The following SLC22A23 variants were observed in gnomAD, a reference collection of about 807,000 sequenced individuals.
SLC22A23 encodes solute carrier family 22 member 23.
SLC22A23 carries 26 observed loss-of-function variants against 61.0 expected under a neutral mutation model. The ratio of observed to expected loss-of-function variants is 0.43; its 90% CI spans 0.31 to 0.59. SLC22A23 has a LOEUF of 0.59. SLC22A23 is among the 20% of genes least tolerant of loss of function. The pLI is 0.11. For missense variants in SLC22A23, 796 were observed against 934.7 expected, an observed-to-expected ratio of 0.85 and a Z score of 1.94; for synonymous variants, 430 against 413.9, an observed-to-expected ratio of 1.04 and a Z score of -0.47.
Position 3,299,998 on chromosome 6 carries a change from CTTTTTTTTTTTTT to C in SLC22A23, c.1083-1793_1083-1781del, listed in dbSNP as rs869114176. On this transcript the variant is annotated intron_variant, in intron 4 of 9. Transcript: ENST00000406686. ...ACCTGCTTTGCAAGCTCAGGATAGA[CTTTTTTTTTTTTT>C]TTTTTTTTTTTTTTTTTGAGATGGA... Among the ~76,000 whole-genome samples the C allele has an allele frequency of 1.3e-3, 103 of 78,802 alleles. 1 individual carries two copies. The highest frequency in any genetic ancestry group is 3.8e-3 in the African/African-American group (86 of 22,588). The allele number at this position is 78,802 out of a possible 152,430, so 51.7% of individuals were successfully genotyped here.
At chr6:3,279,740 G>A (rs550676284) in intron 9 of SLC22A23, among the ~76,000 whole-genome samples, 16 of 152,138 alleles carry the variant, frequency 1.1e-4, no homozygotes, top group Non-Finnish European at 1.5e-4. Flanking sequence ...TCACTAGAGG[G>A]CAGCATACGC....
intron 4 of SLC22A23, chr6:3,303,086 A>T (rs1761731524): frequency 6.6e-6 from 1 of 152,228 alleles, no homozygotes; most frequent in Non-Finnish European, 1.5e-5. Flanking sequence ...ACAAATGGCC[A>T]ACAAACATAT....
rs911286999 is a variant in SLC22A23 at position 3,322,598 on chromosome 6, C to G, written c.1082+1236G>C. The stretch of plus-strand genomic sequence containing the variant: ...TCTCTGGCAGGTGGCCTTTTCCCAT[C>G]TGCTATTGCTGGCCCCCTGCTGCTG... On this transcript the variant is annotated intron_variant, in intron 4 of 9. Transcript: ENST00000406686. This position sits in a 1 kb window ranked among gnomAD's most constrained non-coding sequence, Gnocchi z 4.1. 6.6e-6 allele frequency among the ~76,000 whole-genome samples: 1 copy of G among 152,172 alleles called. No homozygotes were observed. Among genetic ancestry groups the G allele is most frequent in the African/African-American group, 2.4e-5 (1 of 41,426 alleles).
In SLC22A23 at chr6:3,304,820, T is replaced by C. The variant is rs1761859667; in HGVS notation, c.1083-6602A>G. Among the ~76,000 whole-genome samples the C allele has an allele frequency of 6.6e-6, 1 of 151,888 alleles. No homozygotes were observed. Among genetic ancestry groups the C allele is most frequent in the Non-Finnish European group, 1.5e-5 (1 of 67,960 alleles). On this transcript the variant is annotated intron_variant, in intron 4 of 9. Transcript: ENST00000406686. The surrounding 1 kb of genome is among the most constrained non-coding windows in gnomAD (Gnocchi z 4.3). ...AGGCATGGGGTTGTGGGACGGTGCATTTGTTGTGTTCAGAGAGCTGCAAGC... is the reference window on the plus strand; with the variant it reads ...AGGCATGGGGTTGTGGGACGGTGCACTTGTTGTGTTCAGAGAGCTGCAAGC...
intron 9 of SLC22A23, among the ~76,000 whole-genome samples, chr6:3,277,821 G>A (rs1401869232): frequency 2.0e-5 from 3 of 152,190 alleles, no homozygotes; most frequent in African/African-American, 7.2e-5. Flanking sequence ...TACAAATAAC[G>A]TACTTTTTAG....
chr6:3,333,700 G>GGA lies in SLC22A23; in HGVS notation c.914-9700_914-9699dup, dbSNP rs1763701451. 6.6e-6 allele frequency among the ~76,000 whole-genome samples: 1 copy of GGA among 152,198 alleles called. No homozygotes were observed. The highest frequency in any genetic ancestry group is 2.4e-5 in the African/African-American group (1 of 41,446). On this transcript the variant is annotated intron_variant, in intron 3 of 9. Coordinates refer to ENST00000406686, the MANE Select transcript of SLC22A23 (RefSeq NM_015482.2). The surrounding 1 kb of genome is among the most constrained non-coding windows in gnomAD (Gnocchi z 4.1). Reference sequence around the variant, plus strand: ...CTTCCCCATGTTGCGACCACACAGAGGAGAGTGCCTCCCCGACAGTGGTTT... The same window carrying GGA: ...CTTCCCCATGTTGCGACCACACAGAGGAGAGAGTGCCTCCCCGACAGTGGTTT...
At chr6:3,428,670 ACG>A (rs1770662028) in intron 1 of SLC22A23, among the ~76,000 whole-genome samples, 1 of 152,196 alleles carries the variant, frequency 6.6e-6, no homozygotes, top group African/African-American at 2.4e-5. Context: ...GCAAAAGACA[ACG>A]TAAAAATATA....
At chr6:3,428,278 A>G (rs945048258) in intron 1 of SLC22A23, among the ~76,000 whole-genome samples, 11 of 152,190 alleles carry the variant, frequency 7.2e-5, no homozygotes, top group African/African-American at 2.7e-4. Context: ...CTCACCCTCC[A>G]GGCTGCTCAG....
chr6:3,269,146 G>GA lies in SLC22A23; in HGVS notation c.*3908dup, dbSNP rs1224922760. 2.9e-5 allele frequency: 4 copies of GA among 136,926 alleles called. No homozygotes were observed. Among genetic ancestry groups the GA allele is most frequent in the African/African-American group, 1.1e-4 (4 of 35,712 alleles). 8.5% of individuals were successfully genotyped at this position (136,926 alleles called of 1,614,324 possible). ...ATCAGCAGAACATACACGAACAAGG[G>GA]AAAAAAATTCCTCTTAATTTTACTG... On this transcript the variant is annotated 3_prime_UTR_variant, in exon 10 of 10. Coordinates refer to ENST00000406686, the MANE Select transcript of SLC22A23 (RefSeq NM_015482.2).
Position 3,456,160 on chromosome 6 carries a change from C to A in SLC22A23, c.400G>T (p.Gly134Cys). The stretch of plus-strand genomic sequence containing the variant: ...GTGGTGACCCCTGCCAGCTCGGTGC[C>A]TTTGCCGGCCCCGCGGCACCAGAAG... ...PNFWCRGAGK[G>C]TELAGVTTTG... The change falls in exon 1 of 10, where the codon GGC (glycine) becomes TGC (cysteine). Residue 134 changes from glycine (G) to cysteine (C), a missense_variant. Transcript: ENST00000406686. This position sits in a 1 kb window ranked among gnomAD's most constrained non-coding sequence, Gnocchi z 7.1. 1.3e-6 allele frequency: 2 copies of A among 1,551,232 alleles called. No individual in the cohort carries two copies. The highest frequency in any genetic ancestry group is 1.7e-6 in the Non-Finnish European group (2 of 1,146,852).
chr6:3,447,738 G>A (rs1166396548), intron 1 of SLC22A23, among the ~76,000 whole-genome samples: 11 of 149,384 alleles, frequency 7.4e-5, no homozygotes, highest in Admixed American at 2.0e-4. Flanking sequence ...ACAGGTGCCC[G>A]CCACCACACC....
chr6:3,324,314 C>T lies in SLC22A23; in HGVS notation c.914-312G>A. 2 of 325,528 alleles carry T rather than the reference C, an allele frequency of 6.1e-6. No homozygotes were observed. Among genetic ancestry groups the T allele is most frequent in the Non-Finnish European group, 1.2e-5 (2 of 173,348 alleles). 20.2% of individuals were successfully genotyped at this position (325,528 alleles called of 1,614,324 possible). On this transcript the variant is annotated intron_variant, in intron 3 of 9. Coordinates refer to ENST00000406686, the MANE Select transcript of SLC22A23 (RefSeq NM_015482.2). This position sits in a 1 kb window ranked among gnomAD's most constrained non-coding sequence, Gnocchi z 4.3. ...CTATGGGACAGATCGCCCATTGTTC[C>T]TGCTTCCTCTGCTCTCCAGACGTCA...
At position 3,286,099 on chromosome 6, in the gene SLC22A23, G is replaced by T. The variant is rs1006562217; in HGVS notation, c.1546+760C>A. 1.3e-5 allele frequency among the ~76,000 whole-genome samples: 1 copy of T among 78,562 alleles called. No individual in the cohort carries two copies. The highest frequency in any genetic ancestry group is 1.8e-4 in the Admixed American group (1 of 5,612). The allele number at this position is 78,562 out of a possible 152,430, so 51.5% of individuals were successfully genotyped here. A position where few individuals can be genotyped will look rare whatever the true frequency, so the allele number is the denominator to read the frequency against. On this transcript the variant is annotated intron_variant, in intron 7 of 9. Transcript: ENST00000406686. This position sits in a 1 kb window ranked among gnomAD's most constrained non-coding sequence, Gnocchi z 4.2. Reference sequence around the variant, plus strand: ...AGATGGACTCTCTAGCTTTGCCTTAGATTTTTTTTTTTTTTTTGAGATGGA... The same window carrying T: ...AGATGGACTCTCTAGCTTTGCCTTATATTTTTTTTTTTTTTTTGAGATGGA...
intron 5 of SLC22A23, among the ~76,000 whole-genome samples, chr6:3,294,906 T>G (rs1760936654): frequency 6.6e-6 from 1 of 152,222 alleles, no homozygotes; most frequent in African/African-American, 2.4e-5. Flanking sequence ...AAGGTTAGGA[T>G]GTACTGATGG....
At chr6:3,441,372 GA>G (rs901153385) in intron 1 of SLC22A23, among the ~76,000 whole-genome samples, 9 of 152,086 alleles carry the variant, frequency 5.9e-5, no homozygotes, top group Non-Finnish European at 1.3e-4. Flanking sequence ...TCTACTGGGG[GA>G]AAAAAATCAA....
Position 3,268,998 on chromosome 6 carries a change from A to G in SLC22A23, c.*4057T>C, listed in dbSNP as rs1200293910. ...TTTGGTATAAATACTTTATTAAAGA[A>G]ATATTGTCATTTTCGTTAAAAAATA... On this transcript the variant is annotated 3_prime_UTR_variant, in exon 10 of 10. Transcript: ENST00000406686. The G allele has an allele frequency of 6.6e-6, 1 of 152,388 alleles. No homozygotes were observed. Among genetic ancestry groups the G allele is most frequent in the Admixed American group, 6.5e-5 (1 of 15,282 alleles). The allele number at this position is 152,388 out of a possible 1,614,324, so 9.4% of individuals were successfully genotyped here.
intron 1 of SLC22A23, among the ~76,000 whole-genome samples, chr6:3,423,651 A>G (rs1770294622): frequency 6.6e-6 from 1 of 152,230 alleles, no homozygotes; most frequent in South Asian, 2.1e-4. Context: ...CCTTAGCATC[A>G]AAAGGGAGCA....
chr6:3,434,698 T>C (rs1771091831), intron 1 of SLC22A23, among the ~76,000 whole-genome samples: 1 of 152,090 alleles, frequency 6.6e-6, no homozygotes, highest in Non-Finnish European at 1.5e-5. Context: ...CAATTTTTTG[T>C]TCCTCCAACA....
At chr6:3,368,016 T>C (rs1581763323) in intron 3 of SLC22A23, among the ~76,000 whole-genome samples, 1 of 152,112 alleles carries the variant, frequency 6.6e-6, no homozygotes, top group South Asian at 2.1e-4. Flanking sequence ...CACCCATCAC[T>C]GGACTTGAGC....
Sources: gnomAD v4.1 joint callset for allele counts (sites outside exome capture counted in the v4.1 genomes callset) on GRCh38, gnomAD v4.1.1 for gene constraint, Gnocchi (gnomAD v3.1) non-coding constraint, MANE v1.5 for transcripts, NCBI Gene and HGNC (gene_info 2026-07-23, HGNC 2026-07-21) for gene names.